Variants in OTUD6B observed in about 807,000 individuals in gnomAD.
OTUD6B encodes the protein OTU deubiquitinase 6B, also known as deubiquitinase OTUD6B.
In OTUD6B, 41 loss-of-function variants were observed where a neutral mutation model predicts 36.9. The observed-to-expected ratio is 1.11, with a 90% CI of 0.87 to 1.44. OTUD6B has a LOEUF of 1.44. OTUD6B is among the 40% of genes most tolerant of loss of function. OTUD6B has a pLI of 0.00. For missense variants in OTUD6B, 356 were observed against 344.8 expected (o/e 1.03, Z -0.26); for synonymous variants, 114 against 114.2 (o/e 1.00, Z 0.01).
Position 91,070,442 on chromosome 8 carries a change from C to A in OTUD6B, c.58C>A (p.Arg20Ser). The A allele has an allele frequency of 6.3e-7, 1 of 1,581,444 alleles. No individual in the cohort carries two copies. The highest frequency in any genetic ancestry group is 8.6e-7 in the Non-Finnish European group (1 of 1,163,268). ...GGAAGAGCAGCTGCTGAGAAGGCAT[C>A]GCAAAGAGAAGAAGGAGTTGCAAGG... ...DEEEQLLRRH[R>S]KEKKELQAKI... The change falls in exon 1 of 7, where the codon CGC becomes AGC. Residue 20 changes from arginine to serine, a missense_variant. Coordinates refer to ENST00000404789, the MANE Select transcript of OTUD6B (RefSeq NM_016023.5).
chr8:91,071,056 G>T (rs1586201624), intron 1 of OTUD6B, 82 bp from the exon 2 acceptor site: 1 of 1,564,716 alleles, frequency 6.4e-7, no homozygotes, highest in Non-Finnish European at 8.6e-7. Context: ...CCCTTCGCCC[G>T]TTACCATCCC....
intron 3 of OTUD6B, chr8:91,076,418 A>G (rs573802177): frequency 1.4e-4 from 138 of 976,620 alleles, no homozygotes; most frequent in African/African-American, 1.9e-4. Flanking sequence ...AGGAAACTCA[A>G]TTGCTTTGTT....
In OTUD6B at chr8:91,078,500, T is replaced by C; in HGVS notation, c.460T>C (p.Ser154Pro). 2 of 1,609,548 alleles carry C rather than the reference T, an allele frequency of 1.2e-6. No homozygotes were observed. The highest frequency in any genetic ancestry group is 2.2e-5 in the South Asian group (2 of 90,256). Residue 154 changes from serine to proline, a missense_variant, in exon 4 of 7, where the codon TCT (serine) becomes CCT (proline). By Grantham distance (74) the Ser-to-Pro change is moderately conservative. Coordinates refer to ENST00000404789, the MANE Select transcript of OTUD6B (RefSeq NM_016023.5). ...ARQLEIKQIP[S>P]DGHCMYKAIE... ...ACAGTTAGAAATTAAACAGATTCCA[T>C]CTGATGGCCACTGTATGTATAAAGC... is the stretch of plus-strand genomic sequence containing the variant.
At chr8:91,080,891 A>C (rs928564820) in intron 5 of OTUD6B, among the ~76,000 whole-genome samples, 161 bp downstream of exon 5, 4 of 152,190 alleles carry the variant, frequency 2.6e-5, no homozygotes, top group African/African-American at 9.6e-5. Context: ...GGGAGTTAAC[A>C]TGATTAGGTC....
chr8:91,080,052 A>C (rs547875225), intron 4 of OTUD6B, among the ~76,000 whole-genome samples: 4 of 152,264 alleles, frequency 2.6e-5, no homozygotes, highest in Non-Finnish European at 5.9e-5. Flanking sequence ...AAATATACCC[A>C]TTGTAAATTT....
Position 91,071,223 on chromosome 8 carries a change from A to G in OTUD6B, c.168A>G (p.Glu56=). ...KQLTEDVAKL[E]KEMEQKHREE... is the part of the protein sequence containing the mutation. ...TCACCGAAGATGTGGCCAAGTTGGA[A>G]AAAGAAATGGAACAGAAACATAGAG... Residue 56 remains glutamate, a synonymous_variant, in exon 2 of 7, where the codon GAA becomes GAG. Coordinates refer to ENST00000404789, the MANE Select transcript of OTUD6B (RefSeq NM_016023.5). 6.2e-7 allele frequency: 1 copy of G among 1,613,992 alleles called. No homozygotes were observed. The highest frequency in any genetic ancestry group is 8.5e-7 in the Non-Finnish European group (1 of 1,179,854).
At chr8:91,081,178 T>C (rs1190649850) in intron 5 of OTUD6B, among the ~76,000 whole-genome samples, 1 of 151,724 alleles carries the variant, frequency 6.6e-6, no homozygotes, top group Non-Finnish European at 1.5e-5. Flanking sequence ...ATAGGCCAAA[T>C]CCTACCACAA....
intron 3 of OTUD6B, 82 bp downstream of exon 3, chr8:91,073,993 A>C: frequency 1.1e-6 from 1 of 925,014 alleles, no homozygotes; most frequent in Non-Finnish European, 1.6e-6. Context: ...GTCTTGTTAT[A>C]GGAAGAGAAT....
At chr8:91,075,627 A>G (rs1057286471) in intron 3 of OTUD6B, among the ~76,000 whole-genome samples, 1 of 152,084 alleles carries the variant, frequency 6.6e-6, no homozygotes, top group African/African-American at 2.4e-5. Context: ...AGTATCTTTT[A>G]TAGTCAGCTG....
rs1302627410 is a variant in OTUD6B at position 91,084,000 on chromosome 8, T to G, written c.691-8T>G. 3.2e-6 allele frequency: 5 copies of G among 1,548,886 alleles called. No individual in the cohort carries two copies. The South Asian group carries it at 6.2e-5, about 19-fold the overall frequency. ...TTTTCCTTACTGATACTTTTTTTCT[T>G]CCTATAGCTAAGAGCTCTGTCTCAC... On this transcript the variant is annotated splice_region_variant and splice_polypyrimidine_tract_variant and intron_variant, in intron 5 of 6. Coordinates refer to ENST00000404789, the MANE Select transcript of OTUD6B (RefSeq NM_016023.5).
chr8:91,082,342 A>T (rs913472077), intron 5 of OTUD6B, among the ~76,000 whole-genome samples: 1 of 152,132 alleles, frequency 6.6e-6, no homozygotes, highest in Non-Finnish European at 1.5e-5. Flanking sequence ...GGGCAAGTAC[A>T]TATCCCATAG....
rs902875755 is a variant in OTUD6B at position 91,086,381 on chromosome 8, T to C, written c.*1513T>C. The C allele has an allele frequency of 1.1e-4, 16 of 152,108 alleles. No individual in the cohort carries two copies. Among genetic ancestry groups the C allele is most frequent in the African/African-American group, 3.9e-4 (16 of 41,446 alleles). The allele number at this position is 152,108 out of a possible 1,614,324, so 9.4% of individuals were successfully genotyped here. On this transcript the variant is annotated 3_prime_UTR_variant, in exon 7 of 7. Transcript: ENST00000404789. ...TTCCAGTTCAAAAGATTACAAGCCATTCTGCCTGCCAAACAAATTATATTC... is the reference window on the plus strand; with the variant it reads ...TTCCAGTTCAAAAGATTACAAGCCACTCTGCCTGCCAAACAAATTATATTC...
Position 91,086,670 on chromosome 8 carries a change from TTA to T in OTUD6B, c.*1806_*1807del, listed in dbSNP as rs1813022231. 1 of 152,072 alleles carries T rather than the reference TTA, an allele frequency of 6.6e-6. No individual in the cohort carries two copies. The highest frequency in any genetic ancestry group is 1.5e-5 in the Non-Finnish European group (1 of 67,970). 9.4% of individuals were successfully genotyped at this position (152,072 alleles called of 1,614,324 possible). ...CTTACAAGATTTAGAATCTTTTTGG[TTA>T]TATGTCTATTTTTCAATTTTGTTAT... On this transcript the variant is annotated 3_prime_UTR_variant, in exon 7 of 7. Transcript: ENST00000404789.
At chr8:91,080,881 G>A (rs1183222586) in intron 5 of OTUD6B, among the ~76,000 whole-genome samples, 151 bp downstream of exon 5, 2 of 152,086 alleles carry the variant, frequency 1.3e-5, no homozygotes, top group African/African-American at 2.4e-5. Context: ...CAAAGAAATA[G>A]GGAGTTAACA....
At position 91,080,538 on chromosome 8, in the gene OTUD6B, G is replaced by A. The variant is rs111598605; in HGVS notation, c.629-131G>A. 2.8e-6 allele frequency: 4 copies of A among 1,445,208 alleles called. No homozygotes were observed. In the African/African-American group the frequency reaches 4.4e-5, roughly 16 times the overall value. 89.5% of individuals were successfully genotyped at this position (1,445,208 alleles called of 1,614,324 possible). A position where few individuals can be genotyped will look rare whatever the true frequency, so the allele number is the denominator to read the frequency against. The stretch of plus-strand genomic sequence containing the variant: ...CCTGGGAGTTAGATTAGATTCTGGA[G>A]GATAATGGTAGAGAAGGAGAATGTT... On this transcript the variant is annotated intron_variant, in intron 4 of 6. Transcript: ENST00000404789.
At chr8:91,084,160 C>T in intron 6 of OTUD6B, 46 bp downstream of exon 6, 1 of 1,108,478 alleles carries the variant, frequency 9.0e-7, no homozygotes, top group Non-Finnish European at 1.3e-6. Flanking sequence ...ACAATTAATA[C>T]AAAAAGGAAT....
chr8:91,071,442 G>A lies in OTUD6B; in HGVS notation c.234+153G>A, dbSNP rs892765777. Among the ~76,000 whole-genome samples, 24 of 150,558 alleles carry A rather than the reference G, an allele frequency of 1.6e-4. 1 individual carries two copies. The highest frequency in any genetic ancestry group is 5.9e-4 in the African/African-American group (24 of 40,786). ...TGGCTCACTGCAAGCTCCGCCTCCC[G>A]GGTTCAGGCCATTCTCCTGCCTCAG... On this transcript the variant is annotated intron_variant, in intron 2 of 6. Transcript: ENST00000404789.
chr8:91,084,929 A>G lies in OTUD6B; in HGVS notation c.*61A>G. On this transcript the variant is annotated 3_prime_UTR_variant, in exon 7 of 7. Coordinates refer to ENST00000404789, the MANE Select transcript of OTUD6B (RefSeq NM_016023.5). ...TGTGCTGAACTGAGTATTTCTACCAAGTGTTGGGTTGTTCTAAATGCTACT... is the reference window on the plus strand; with the variant it reads ...TGTGCTGAACTGAGTATTTCTACCAGGTGTTGGGTTGTTCTAAATGCTACT... The G allele has an allele frequency of 1.2e-6, 1 of 811,836 alleles. No homozygotes were observed. Among genetic ancestry groups the G allele is most frequent in the South Asian group, 2.2e-5 (1 of 45,678 alleles). 50.3% of individuals were successfully genotyped at this position (811,836 alleles called of 1,614,324 possible).
At chr8:91,076,431 AATGAAGCAAAGC>A in intron 3 of OTUD6B, 1 of 983,342 alleles carries the variant, frequency 1.0e-6, no homozygotes, top group Non-Finnish European at 1.2e-6. Context: ...GCTTTGTTCT[AATGAAGCAAAGC>A]ATGAAGGGAA....
Sources: gnomAD v4.1 joint callset for allele counts (sites outside exome capture counted in the v4.1 genomes callset) on GRCh38, gnomAD v4.1.1 for gene constraint, MANE v1.5 for transcripts, NCBI Gene and HGNC (gene_info 2026-07-23, HGNC 2026-07-21) for gene names.